Variants in PDZRN4 observed in about 807,000 individuals in gnomAD.
PDZRN4 encodes PDZ domain containing ring finger 4.
A neutral mutation model predicts 99.0 loss-of-function variants in PDZRN4; 70 were observed. The ratio of observed to expected loss-of-function variants is 0.71; its 90% CI spans 0.58 to 0.86. The LOEUF is 0.86. Ranked by LOEUF, PDZRN4 falls within the 40% of genes least tolerant of loss-of-function variation. The pLI, the probability that PDZRN4 is intolerant of heterozygous loss-of-function variation, is 0.00. For missense variants in PDZRN4, 1,474 were observed against 1,331.2 expected (o/e 1.11, Z -1.67); for synonymous variants, 551 against 501.6 (o/e 1.10, Z -1.32).
chr12:41,432,746 A>T (rs1330912622), intron 3 of PDZRN4, among the ~76,000 whole-genome samples: 1 of 152,334 alleles, frequency 6.6e-6, no homozygotes, highest in South Asian at 2.1e-4. Context: ...AGCTGATGGG[A>T]TCAAGGAAGA....
intron 3 of PDZRN4, among the ~76,000 whole-genome samples, chr12:41,366,529 C>G (rs1215086591): frequency 6.6e-6 from 1 of 151,988 alleles, no homozygotes; most frequent in Non-Finnish European, 1.5e-5. Flanking sequence ...GACACATTTA[C>G]CATGTAATTG....
At chr12:41,281,545 C>A (rs1435736327) in intron 3 of PDZRN4, among the ~76,000 whole-genome samples, 1 of 152,160 alleles carries the variant, frequency 6.6e-6, no homozygotes. Flanking sequence ...AGCTGAAAAA[C>A]ATAGCACAAG....
chr12:41,258,579 A>T (rs1951217972), intron 3 of PDZRN4, among the ~76,000 whole-genome samples: 1 of 152,186 alleles, frequency 6.6e-6, no homozygotes, highest in South Asian at 2.1e-4. Flanking sequence ...ACATGATGAA[A>T]ATACAAAGAC....
At chr12:41,370,947 T>G (rs1022299515) in intron 3 of PDZRN4, among the ~76,000 whole-genome samples, 1 of 151,558 alleles carries the variant, frequency 6.6e-6, no homozygotes, top group Non-Finnish European at 1.5e-5. Context: ...TTCTCTGTTT[T>G]AATCATATTC....
intron 3 of PDZRN4, among the ~76,000 whole-genome samples, chr12:41,271,332 G>A (rs1211410186): frequency 5.3e-5 from 8 of 151,940 alleles, no homozygotes; most frequent in East Asian, 1.9e-4. Context: ...AAAAAATATG[G>A]GTCAAGTCCT....
At position 41,509,833 on chromosome 12, in the gene PDZRN4, G is replaced by A; in HGVS notation, c.1123G>A (p.Glu375Lys). 4 of 1,591,026 alleles carry A rather than the reference G, an allele frequency of 2.5e-6. No homozygotes were observed. Among genetic ancestry groups the A allele is most frequent in the Non-Finnish European group, 2.6e-6 (3 of 1,161,626 alleles). Reference sequence around the variant, plus strand: ...TAGCTGCCATTCTCTACATCCAATGGAGCATGAATTTTATGAGGACAATGA... The same window carrying A: ...TAGCTGCCATTCTCTACATCCAATGAAGCATGAATTTTATGAGGACAATGA... ...SDSCHSLHPM[E>K]HEFYEDNEYI... Residue 375 changes from glutamate (E) to lysine (K), a missense_variant, in exon 5 of 10, where the codon GAG (glutamate) becomes AAG (lysine). Physicochemically the swap from Glu to Lys is moderately conservative, Grantham distance 56. Transcript: ENST00000402685.
chr12:41,540,145 T>A (rs867600329), intron 5 of PDZRN4, among the ~76,000 whole-genome samples: 2 of 152,210 alleles, frequency 1.3e-5, no homozygotes, highest in African/African-American at 2.4e-5. Flanking sequence ...TTGGAAATCA[T>A]ACATCAATTC....
At chr12:41,304,880 C>G (rs564968729) in intron 3 of PDZRN4, among the ~76,000 whole-genome samples, 1 of 152,334 alleles carries the variant, frequency 6.6e-6, no homozygotes, top group African/African-American at 2.4e-5. Context: ...TACTACATAA[C>G]TGCATACTGC....
At chr12:41,520,478 T>G (rs1938474765) in intron 5 of PDZRN4, among the ~76,000 whole-genome samples, 1 of 152,160 alleles carries the variant, frequency 6.6e-6, no homozygotes, top group African/African-American at 2.4e-5. Flanking sequence ...GATTTAGAAC[T>G]GAGACTCTTT....
At chr12:41,551,013 C>T (rs772249252) in intron 5 of PDZRN4, among the ~76,000 whole-genome samples, 38 of 152,152 alleles carry the variant, frequency 2.5e-4, no homozygotes, top group Admixed American at 1.2e-3. Flanking sequence ...AGATTTTAGA[C>T]AATTAAATGA....
intron 3 of PDZRN4, among the ~76,000 whole-genome samples, chr12:41,258,394 G>A (rs1056893421): frequency 3.9e-5 from 6 of 152,064 alleles, no homozygotes; most frequent in Non-Finnish European, 8.8e-5. Flanking sequence ...GTGAGACAAA[G>A]ACAAATACTA....
At chr12:41,461,597 T>C (rs1211238709) in intron 3 of PDZRN4, among the ~76,000 whole-genome samples, 10 of 152,202 alleles carry the variant, frequency 6.6e-5, no homozygotes, top group Admixed American at 4.6e-4. Context: ...GTCTTTGATA[T>C]TCATATATAT....
chr12:41,351,270 A>G (rs932156492), intron 3 of PDZRN4, among the ~76,000 whole-genome samples: 4 of 152,030 alleles, frequency 2.6e-5, no homozygotes, highest in East Asian at 1.9e-4. Flanking sequence ...AAGCAAAACC[A>G]AGGAGGAGTA....
intron 3 of PDZRN4, among the ~76,000 whole-genome samples, chr12:41,372,854 T>C (rs1742196939): frequency 6.6e-6 from 1 of 152,122 alleles, no homozygotes; most frequent in South Asian, 2.1e-4. Flanking sequence ...AAGAAGTCTA[T>C]ACAGGATGAA....
intron 3 of PDZRN4, among the ~76,000 whole-genome samples, chr12:41,359,366 G>A (rs1459149921): frequency 6.6e-6 from 1 of 151,918 alleles, no homozygotes; most frequent in Non-Finnish European, 1.5e-5. Flanking sequence ...AATATTTTCA[G>A]TACTGCATTC....
At position 41,350,275 on chromosome 12, in the gene PDZRN4, T is replaced by C. The variant is rs534301370; in HGVS notation, c.843+156087T>C. Among the ~76,000 whole-genome samples, 6 of 152,220 alleles carry C rather than the reference T, an allele frequency of 3.9e-5. 2 individuals are homozygous for C. The highest frequency in any genetic ancestry group is 1.4e-4 in the African/African-American group (6 of 41,570). ...TACTGATATAATTAATATTAGTTCC[T>C]AGTACTTTGGGCAAGTGAAGCAATT... On this transcript the variant is annotated intron_variant, in intron 3 of 9. Coordinates refer to ENST00000402685, the MANE Select transcript of PDZRN4 (RefSeq NM_001164595.2).
chr12:41,286,471 T>C (rs1951423748), intron 3 of PDZRN4, among the ~76,000 whole-genome samples: 1 of 151,408 alleles, frequency 6.6e-6, no homozygotes. Flanking sequence ...ATTCCCCAGC[T>C]AATCCCTGAC....
At chr12:41,358,728 C>T (rs998502783) in intron 3 of PDZRN4, among the ~76,000 whole-genome samples, 1 of 151,946 alleles carries the variant, frequency 6.6e-6, no homozygotes, top group Admixed American at 6.6e-5. Context: ...TCCTTTGACG[C>T]TAAAGCACAG....
At chr12:41,437,726 T>C in intron 3 of PDZRN4, 1 of 1,446,384 alleles carries the variant, frequency 6.9e-7, no homozygotes, top group South Asian at 1.5e-5. Context: ...TCTGTGTGTG[T>C]ATCCGTGAGT....
Sources: gnomAD v4.1 joint callset for allele counts (sites outside exome capture counted in the v4.1 genomes callset) on GRCh38, gnomAD v4.1.1 for gene constraint, MANE v1.5 for transcripts, NCBI Gene and HGNC (gene_info 2026-07-23, HGNC 2026-07-21) for gene names.